NRXN1: variants seen among roughly 807,000 people sequenced by gnomAD.
NRXN1 encodes neurexin-1.
Under a neutral mutation model 150.9 loss-of-function variants are expected in NRXN1, and 39 were observed. The ratio of observed to expected loss-of-function variants is 0.26; its 90% CI spans 0.20 to 0.34. The LOEUF (loss-of-function observed/expected upper bound fraction) is 0.34, where lower values mean the gene tolerates loss of function less well. Ranked by LOEUF, NRXN1 falls within the 10% of genes least tolerant of loss-of-function variation. The pLI is 1.00. For missense variants in NRXN1, 1,815 were observed against 1,949.9 expected (o/e 0.93, Z 1.30); for synonymous variants, 924 against 757.0 (o/e 1.22, Z -3.62).
chr2:50,743,113 T>G (rs2105284312), intron 5 of NRXN1, among the ~76,000 whole-genome samples: 1 of 152,332 alleles, frequency 6.6e-6, no homozygotes, highest in South Asian at 2.1e-4. Context: ...TTAAATATTT[T>G]TAAAGGATTT....
chr2:49,996,991 T>C (rs1005673970), intron 21 of NRXN1, among the ~76,000 whole-genome samples: 2 of 152,254 alleles, frequency 1.3e-5, no homozygotes, highest in Non-Finnish European at 2.9e-5. Context: ...TTGTATTTTT[T>C]ATTTTTATAA....
chr2:50,234,666 G>A (rs1308194413), intron 18 of NRXN1, among the ~76,000 whole-genome samples: 1 of 152,012 alleles, frequency 6.6e-6, no homozygotes, highest in East Asian at 1.9e-4. Flanking sequence ...AGTGGGTAGG[G>A]CTGACAATAA....
At chr2:50,529,245 G>A (rs1037208207) in intron 11 of NRXN1, among the ~76,000 whole-genome samples, 6 of 152,162 alleles carry the variant, frequency 3.9e-5, no homozygotes, top group African/African-American at 1.2e-4. Context: ...GTTAATTGGA[G>A]GAGGAAAGAA....
At chr2:50,035,699 A>G (rs1285363956) in intron 21 of NRXN1, among the ~76,000 whole-genome samples, 1 of 152,154 alleles carries the variant, frequency 6.6e-6, no homozygotes, top group Non-Finnish European at 1.5e-5. Flanking sequence ...TTAATGCATA[A>G]CAGACCCACA....
intron 2 of NRXN1, among the ~76,000 whole-genome samples, chr2:50,936,855 G>C (rs1688630602): frequency 6.6e-6 from 1 of 151,996 alleles, no homozygotes; most frequent in Non-Finnish European, 1.5e-5. Flanking sequence ...ATGAAAACGT[G>C]GGTAGTGTGA....
At chr2:50,167,354 G>T (rs1037407268) in intron 18 of NRXN1, among the ~76,000 whole-genome samples, 1 of 151,892 alleles carries the variant, frequency 6.6e-6, no homozygotes, top group South Asian at 2.1e-4. Context: ...AAATCCTCTC[G>T]CTCAACATGA....
chr2:49,976,166 G>T (rs1016620174), intron 21 of NRXN1, among the ~76,000 whole-genome samples: 1 of 151,160 alleles, frequency 6.6e-6, no homozygotes, highest in African/African-American at 2.4e-5. Context: ...GGGATTACAG[G>T]AGAGTGCCAC....
At chr2:50,987,902 C>T (rs541064903) in intron 2 of NRXN1, among the ~76,000 whole-genome samples, 8 of 151,986 alleles carry the variant, frequency 5.3e-5, no homozygotes, top group African/African-American at 1.7e-4. Flanking sequence ...CTTTTTTGGA[C>T]GTTATTCCAA....
chr2:50,423,893 G>C (rs939392490), intron 17 of NRXN1, among the ~76,000 whole-genome samples: 1 of 152,066 alleles, frequency 6.6e-6, no homozygotes, highest in African/African-American at 2.4e-5. Flanking sequence ...GGTAATCGCT[G>C]GTATCTGCCA....
At chr2:50,847,363 G>A (rs768167390) in intron 5 of NRXN1, among the ~76,000 whole-genome samples, 30 of 152,182 alleles carry the variant, frequency 2.0e-4, no homozygotes, top group Non-Finnish European at 4.1e-4. Flanking sequence ...CAAGGTCAGA[G>A]GCCAAACAGG....
chr2:50,548,573 A>C (rs1484943179), intron 9 of NRXN1, among the ~76,000 whole-genome samples: 1 of 152,124 alleles, frequency 6.6e-6, no homozygotes, highest in Non-Finnish European at 1.5e-5. Context: ...GTTGTTTGGC[A>C]CTGTACTACT....
chr2:50,365,524 A>T (rs2079523646), intron 17 of NRXN1, among the ~76,000 whole-genome samples: 1 of 152,082 alleles, frequency 6.6e-6, no homozygotes, highest in South Asian at 2.1e-4. Flanking sequence ...AATTACTTTT[A>T]TGCCATATAA....
chr2:49,962,619 G>A (rs554591970), intron 21 of NRXN1, among the ~76,000 whole-genome samples: 26 of 152,204 alleles, frequency 1.7e-4, no homozygotes, highest in African/African-American at 6.3e-4. Flanking sequence ...TGCAATGATG[G>A]AGAGTAACAC....
At chr2:50,491,084 T>A (rs997247598) in intron 15 of NRXN1, among the ~76,000 whole-genome samples, 1 of 152,216 alleles carries the variant, frequency 6.6e-6, no homozygotes, top group Non-Finnish European at 1.5e-5. Context: ...CACTCTTCCC[T>A]GAATATTTTC....
At chr2:50,009,191 G>A (rs939976725) in intron 21 of NRXN1, among the ~76,000 whole-genome samples, 1 of 152,070 alleles carries the variant, frequency 6.6e-6, no homozygotes, top group African/African-American at 2.4e-5. Flanking sequence ...ATGGCTATGG[G>A]ACCTGCTATA....
At chr2:50,876,485 G>A (rs1226259251) in intron 5 of NRXN1, among the ~76,000 whole-genome samples, 1 of 151,812 alleles carries the variant, frequency 6.6e-6, no homozygotes, top group African/African-American at 2.4e-5. Context: ...CACTAGGAAA[G>A]CGAAGGTGAG....
intron 17 of NRXN1, among the ~76,000 whole-genome samples, chr2:50,311,653 T>C (rs2075193462): frequency 1.3e-5 from 2 of 152,112 alleles, no homozygotes; most frequent in South Asian, 4.1e-4. Flanking sequence ...CTTTTCATAA[T>C]ATGCAGCCAC....
chr2:50,080,389 T>A (rs182583126), intron 19 of NRXN1, among the ~76,000 whole-genome samples: 2 of 152,134 alleles, frequency 1.3e-5, no homozygotes, highest in Non-Finnish European at 2.9e-5. Context: ...TTTGGTACTA[T>A]CTGTGATTTC....
chr2:50,400,584 C>G (rs1301951926), intron 17 of NRXN1, among the ~76,000 whole-genome samples: 2 of 151,992 alleles, frequency 1.3e-5, no homozygotes, highest in Non-Finnish European at 2.9e-5. Context: ...AGGCACTAGA[C>G]CAGAAAGTTT....
Sources: gnomAD v4.1 joint callset for allele counts (sites outside exome capture counted in the v4.1 genomes callset) on GRCh38, gnomAD v4.1.1 for gene constraint, MANE v1.5 for transcripts, NCBI Gene and HGNC (gene_info 2026-07-23, HGNC 2026-07-21) for gene names.